The following HTRA1 variants were observed in gnomAD, a reference collection of about 807,000 sequenced individuals.
The protein encoded by HTRA1 is HtrA serine peptidase 1, also known as serine protease HTRA1.
In HTRA1, 26 loss-of-function variants were observed where a neutral mutation model predicts 49.7. The ratio of observed to expected loss-of-function variants is 0.52; its 90% confidence interval spans 0.38 to 0.73. The LOEUF (loss-of-function observed/expected upper bound fraction) is 0.73, where lower values mean the gene tolerates loss of function less well. Ranked by LOEUF, HTRA1 falls within the 30% of genes least tolerant of loss-of-function variation. The pLI is 0.00. For missense variants in HTRA1, 561 were observed against 667.2 expected (o/e 0.84, Z 1.75); for synonymous variants, 291 against 286.9 (o/e 1.01, Z -0.14).
intron 1 of HTRA1, among the ~76,000 whole-genome samples, 155 bp from the exon 2 acceptor site, chr10:122,488,747 C>T (rs2097494280): frequency 6.6e-6 from 1 of 152,148 alleles, no homozygotes; most frequent in South Asian, 2.1e-4. Flanking sequence ...GGTGGATGGA[C>T]ATTTGCAGCT....
At chr10:122,499,524 G>A (rs2133444442) in intron 3 of HTRA1, among the ~76,000 whole-genome samples, 1 of 152,198 alleles carries the variant, frequency 6.6e-6, no homozygotes, top group South Asian at 2.1e-4. Context: ...GCAAATCTTT[G>A]GTTCATCTGA....
chr10:122,483,079 T>C (rs1457756146), intron 1 of HTRA1, among the ~76,000 whole-genome samples: 1 of 152,304 alleles, frequency 6.6e-6, no homozygotes, highest in East Asian at 1.9e-4. Context: ...GTCAAACACT[T>C]AATGCCTTGC....
intron 3 of HTRA1, among the ~76,000 whole-genome samples, chr10:122,502,186 A>T (rs1316243376): frequency 1.3e-5 from 2 of 152,020 alleles, no homozygotes; most frequent in Non-Finnish European, 2.9e-5. Flanking sequence ...CGAGAGGGCA[A>T]GGGCAGATTT....
intron 1 of HTRA1, among the ~76,000 whole-genome samples, chr10:122,481,375 G>A: frequency 6.6e-6 from 1 of 152,194 alleles, no homozygotes; most frequent in East Asian, 1.9e-4. Context: ...AATGCTGGCA[G>A]CCACCCTGAT....
chr10:122,491,676 G>A (rs1315974215), intron 3 of HTRA1, among the ~76,000 whole-genome samples: 1 of 152,232 alleles, frequency 6.6e-6, no homozygotes, highest in Non-Finnish European at 1.5e-5. Context: ...GGCAAGACGT[G>A]AACGATCTCA....
At chr10:122,475,710 T>G (rs72834453) in intron 1 of HTRA1, among the ~76,000 whole-genome samples, 16,609 of 152,284 alleles carry the variant, frequency 0.11, 1,025 homozygotes, top group Middle Eastern at 0.17. Context: ...CTGTGCATTT[T>G]CTTTGCAGAA....
chr10:122,511,750 TA>T (rs1565437622), intron 7 of HTRA1, among the ~76,000 whole-genome samples: 3 of 66,536 alleles, frequency 4.5e-5, no homozygotes, highest in African/African-American at 4.0e-5. Flanking sequence ...AAAAAATAAA[TA>T]AAAAAAATAA....
intron 1 of HTRA1, among the ~76,000 whole-genome samples, chr10:122,477,421 C>T (rs2097489142): frequency 6.6e-6 from 1 of 152,174 alleles, no homozygotes; most frequent in Admixed American, 6.5e-5. Context: ...GGATTCTGGA[C>T]CTCCCAAAAG....
chr10:122,508,736 G>T lies in HTRA1; in HGVS notation c.1086G>T (p.Lys362Asn), dbSNP rs759123826. ...SFAIPSDKIK[K>N]FLTESHDRQA... ...CAATCCCATCTGATAAGATTAAAAA[G>T]TTCCTCACGGAGTCCCATGACCGAC... Residue 362 changes from lysine (K) to asparagine (N), a missense_variant, in exon 6 of 9, where the codon AAG becomes AAT. By Grantham distance (94) the Lys-to-Asn change is moderately conservative. This residue lies in a region of HTRA1 where 179 missense variants were observed against 173.4 expected (regional missense o/e 1.03). Transcript: ENST00000368984. 70 of 1,613,566 alleles carry T rather than the reference G, an allele frequency of 4.3e-5. 1 individual carries two copies. The Admixed American group carries it at 7.3e-4, about 17-fold the overall frequency.
In HTRA1 at chr10:122,481,020, G is replaced by A. The variant is rs2097490760; in HGVS notation, c.473-7882G>A. On this transcript the variant is annotated intron_variant, in intron 1 of 8. Coordinates refer to ENST00000368984, the MANE Select transcript of HTRA1 (RefSeq NM_002775.5). ...CTCTCTCCTCCTCTATTTTTTGGCT[G>A]TGAACTCTTTGCTCACCTTTTCATG... 2.0e-5 allele frequency among the ~76,000 whole-genome samples: 3 copies of A among 152,066 alleles called. 1 individual carries two copies. The South Asian group carries it at 6.3e-4, about 32-fold the overall frequency.
intron 3 of HTRA1, among the ~76,000 whole-genome samples, chr10:122,497,698 A>AC (rs1401383419): frequency 1.3e-5 from 2 of 152,240 alleles, no homozygotes; most frequent in Non-Finnish European, 2.9e-5. Flanking sequence ...GCCTTGGCTA[A>AC]CCCCAGTTAT....
intron 1 of HTRA1, among the ~76,000 whole-genome samples, chr10:122,463,763 G>A (rs1416630393): frequency 6.6e-6 from 1 of 152,246 alleles, no homozygotes; most frequent in Non-Finnish European, 1.5e-5. Context: ...ATTCAGAGGA[G>A]TCAGCCCAGC....
chr10:122,506,571 C>T lies in HTRA1; in HGVS notation c.778-120C>T. ...TGTTAGTTGTGAGCTCAGTTCCCCA[C>T]CGGGCCTGGTGTTTCCAAATAGCCC... On this transcript the variant is annotated intron_variant, in intron 3 of 8. Transcript: ENST00000368984. This position sits in a 1 kb window ranked among gnomAD's most constrained non-coding sequence, Gnocchi z 5.2. 1 of 850,976 alleles carries T rather than the reference C, an allele frequency of 1.2e-6. No homozygotes were observed. Among genetic ancestry groups the T allele is most frequent in the East Asian group, 2.5e-5 (1 of 39,420 alleles). The allele number at this position is 850,976 out of a possible 1,614,324, so 52.7% of individuals were successfully genotyped here.
chr10:122,513,129 A>G (rs1320968095), intron 8 of HTRA1, among the ~76,000 whole-genome samples: 1 of 152,166 alleles, frequency 6.6e-6, no homozygotes, highest in Non-Finnish European at 1.5e-5. Flanking sequence ...AATATTTCCT[A>G]TGGAGCCCTT....
intron 5 of HTRA1, 84 bp downstream of exon 5, chr10:122,507,486 GT>G (rs1554952386): frequency 1.3e-6 from 1 of 787,778 alleles, no homozygotes; most frequent in Non-Finnish European, 2.1e-6. Flanking sequence ...TTGTTTGTTT[GT>G]TTTTGAGGCA....
intron 3 of HTRA1, among the ~76,000 whole-genome samples, chr10:122,497,423 AT>A (rs1176033790): frequency 3.3e-5 from 5 of 152,214 alleles, no homozygotes; most frequent in Non-Finnish European, 7.3e-5. Context: ...ACTTCCCTGC[AT>A]TTGGGGCTCA....
intron 3 of HTRA1, among the ~76,000 whole-genome samples, chr10:122,503,475 A>T (rs926172500): frequency 2.6e-5 from 4 of 152,060 alleles, no homozygotes; most frequent in Non-Finnish European, 5.9e-5. Flanking sequence ...AGGCAGCTTG[A>T]CCTCATGGAC....
chr10:122,492,932 C>G (rs1310766966), intron 3 of HTRA1, among the ~76,000 whole-genome samples: 1 of 152,112 alleles, frequency 6.6e-6, no homozygotes, highest in Non-Finnish European at 1.5e-5. Context: ...TGCTGTTGAG[C>G]CCCCAGCACT....
Position 122,485,438 on chromosome 10 carries a change from C to T in HTRA1, c.473-3464C>T, listed in dbSNP as rs556331338. ...ATCTCAAATTTCACATGTTATTTAT[C>T]TTCCTGCAGCACGCTGGGGAGAGGA... On this transcript the variant is annotated intron_variant, in intron 1 of 8. Transcript: ENST00000368984. Among the ~76,000 whole-genome samples, 10 of 152,322 alleles carry T rather than the reference C, an allele frequency of 6.6e-5. No individual in the cohort carries two copies. The South Asian group carries it at 2.1e-3, about 32-fold the overall frequency.
Sources: gnomAD v4.1 joint callset for allele counts (sites outside exome capture counted in the v4.1 genomes callset) on GRCh38, gnomAD v4.1.1 for gene constraint, gnomAD v4.1.1 regional missense constraint, Gnocchi (gnomAD v3.1) non-coding constraint, MANE v1.5 for transcripts, NCBI Gene and HGNC (gene_info 2026-07-23, HGNC 2026-07-21) for gene names.